The following HEMK2 variants were observed in gnomAD, a reference collection of about 807,000 sequenced individuals.
The protein encoded by HEMK2 is HemK methyltransferase 2, ETF1 glutamine and histone H4 lysine.
At chr21:28,831,667 GA>G in the HEMK2 span, among the ~76,000 whole-genome samples, 52 of 55,772 alleles carry the variant, frequency 9.3e-4, no homozygotes, top group African/African-American at 1.3e-3. Context: ...AAGAAAGAAA[GA>G]AAGAAAGAAA....
chr21:28,589,619 G>T, the HEMK2 span, among the ~76,000 whole-genome samples: 1 of 152,032 alleles, frequency 6.6e-6, no homozygotes, highest in Non-Finnish European at 1.5e-5. Context: ...CTCAGTTTTG[G>T]CCCAGGAGGT....
the HEMK2 span, among the ~76,000 whole-genome samples, chr21:28,796,770 A>G: frequency 6.6e-6 from 1 of 151,794 alleles, no homozygotes; most frequent in Non-Finnish European, 1.5e-5. Context: ...GAGTCTCCCT[A>G]TGTTTCCCAG....
chr21:28,726,808 T>C, the HEMK2 span, among the ~76,000 whole-genome samples: 299 of 146,998 alleles, frequency 2.0e-3, 1 homozygote, highest in African/African-American at 4.4e-3. Flanking sequence ...CTTGGGAGGA[T>C]GAGGCATGAG....
chr21:28,676,955 C>T, the HEMK2 span, among the ~76,000 whole-genome samples: 8 of 152,304 alleles, frequency 5.3e-5, no homozygotes, highest in South Asian at 2.1e-4. Context: ...CTCCAGTCTA[C>T]AGCTCCCAGC....
chr21:28,883,295 T>C, the HEMK2 span, among the ~76,000 whole-genome samples: 1 of 152,150 alleles, frequency 6.6e-6, no homozygotes, highest in South Asian at 2.1e-4. Context: ...TCCATAAAAG[T>C]TATCTATTAC....
chr21:28,839,824 A>T, the HEMK2 span, among the ~76,000 whole-genome samples: 1 of 152,152 alleles, frequency 6.6e-6, no homozygotes, highest in African/African-American at 2.4e-5. Context: ...TGCAATCCCC[A>T]TCAAAATACC....
the HEMK2 span, among the ~76,000 whole-genome samples, chr21:28,791,517 T>C: frequency 6.6e-6 from 1 of 152,198 alleles, no homozygotes; most frequent in African/African-American, 2.4e-5. Flanking sequence ...GTGTTCAATA[T>C]TTCCTCTTCC....
At chr21:28,844,798 A>AG in the HEMK2 span, among the ~76,000 whole-genome samples, 76,847 of 151,782 alleles carry the variant, frequency 0.51, 21,546 homozygotes, top group East Asian at 0.8. Context: ...TTTCCTTATT[A>AG]TAACAAACTT....
chr21:28,731,354 A>C, the HEMK2 span, among the ~76,000 whole-genome samples: 1 of 152,142 alleles, frequency 6.6e-6, no homozygotes, highest in South Asian at 2.1e-4. Context: ...AAAGTGCCAT[A>C]TTCTGTGTAA....
the HEMK2 span, among the ~76,000 whole-genome samples, chr21:28,672,352 A>C: frequency 6.6e-6 from 1 of 152,068 alleles, no homozygotes; most frequent in African/African-American, 2.4e-5. Context: ...TAAGATGTAG[A>C]AAATGGTATT....
At chr21:28,878,385 C>T in the HEMK2 span, 1 of 1,594,972 alleles carries the variant, frequency 6.3e-7, no homozygotes, top group East Asian at 2.3e-5. Flanking sequence ...TGATTTAGAT[C>T]ACAAACTGAA....
the HEMK2 span, among the ~76,000 whole-genome samples, chr21:28,603,603 G>A: frequency 0.6 from 88,442 of 147,972 alleles, 26,593 homozygotes; most frequent in East Asian, 0.82. Context: ...GTTTTAGGTT[G>A]CAAGGGGAAA....
chr21:28,666,728 A>G, the HEMK2 span, among the ~76,000 whole-genome samples: 1 of 152,172 alleles, frequency 6.6e-6, no homozygotes, highest in African/African-American at 2.4e-5. Context: ...TTTTGGAATT[A>G]GATATCTCTT....
the HEMK2 span, among the ~76,000 whole-genome samples, chr21:28,630,735 C>A: frequency 1.5e-5 from 2 of 132,436 alleles, no homozygotes; most frequent in African/African-American, 5.9e-5. Flanking sequence ...ACAATGAGAA[C>A]ACATGGACAC....
the HEMK2 span, among the ~76,000 whole-genome samples, chr21:28,681,949 T>G: frequency 9.1e-4 from 139 of 152,292 alleles, 1 homozygote; most frequent in Admixed American, 5.2e-3. Flanking sequence ...ATGAAAACCC[T>G]AGAAGAAAAC....
chr21:28,719,744 C>T, the HEMK2 span, among the ~76,000 whole-genome samples: 4 of 152,282 alleles, frequency 2.6e-5, no homozygotes, highest in South Asian at 8.3e-4. Flanking sequence ...TCTCAGCTGC[C>T]CACCCAAATA....
the HEMK2 span, among the ~76,000 whole-genome samples, chr21:28,783,535 C>T: frequency 6.6e-6 from 1 of 152,254 alleles, no homozygotes; most frequent in South Asian, 2.1e-4. Context: ...TTGACTGCGA[C>T]CTGTCACATA....
chr21:28,717,896 C>A, the HEMK2 span, among the ~76,000 whole-genome samples: 1 of 152,092 alleles, frequency 6.6e-6, no homozygotes, highest in East Asian at 1.9e-4. Context: ...TTTTCTTGGT[C>A]CTTTGTATGG....
At chr21:28,806,120 A>C in the HEMK2 span, among the ~76,000 whole-genome samples, 1 of 152,154 alleles carries the variant, frequency 6.6e-6, no homozygotes, top group Non-Finnish European at 1.5e-5. Context: ...GTATTCATGG[A>C]ATCTGAGTGT....
Sources: allele counts gnomAD v4.1 joint callset (sites outside exome capture counted in the v4.1 genomes callset), GRCh38; gene constraint gnomAD v4.1.1; transcripts MANE v1.5; gene names NCBI Gene and HGNC (gene_info 2026-07-23, HGNC 2026-07-21).